Variants in ABCC1 observed in about 807,000 individuals in gnomAD.
ABCC1 encodes the protein multidrug resistance-associated protein 1.
Under a neutral mutation model 172.9 loss-of-function variants are expected in ABCC1, and 83 were observed. The observed-to-expected ratio is 0.48, with a 90% CI of 0.40 to 0.58. ABCC1 has a LOEUF of 0.58. Among genes scored for constraint, ABCC1 ranks in the 20% least tolerant of loss-of-function variants. The probability of loss-of-function intolerance (pLI) is 0.00; values close to 1 mark genes in which losing one functional copy is unlikely to be tolerated. For missense variants in ABCC1, 1,817 were observed against 2,002.7 expected (o/e 0.91, Z 1.77); for synonymous variants, 937 against 825.2 (o/e 1.14, Z -2.32).
At chr16:16,097,165 T>G (rs1349827263) in intron 19 of ABCC1, among the ~76,000 whole-genome samples, 1 of 152,152 alleles carries the variant, frequency 6.6e-6, no homozygotes. Flanking sequence ...CAGGCTGGAG[T>G]GCAATGGTGC....
At chr16:16,025,489 A>G (rs1206421998) in intron 5 of ABCC1, among the ~76,000 whole-genome samples, 2 of 152,184 alleles carry the variant, frequency 1.3e-5, no homozygotes, top group Admixed American at 6.5e-5. Flanking sequence ...ACTGCTCTAA[A>G]CATTATTGCT....
At chr16:16,008,512 T>A (rs974850644) in intron 2 of ABCC1, among the ~76,000 whole-genome samples, 8 of 151,344 alleles carry the variant, frequency 5.3e-5, no homozygotes, top group African/African-American at 1.7e-4. Flanking sequence ...GCCCCTAATT[T>A]TTTTTTTAAG....
chr16:15,976,485 A>G (rs2046494084), intron 1 of ABCC1, among the ~76,000 whole-genome samples: 2 of 152,066 alleles, frequency 1.3e-5, no homozygotes, highest in South Asian at 2.1e-4. Context: ...ACAGGACTAG[A>G]CTGAAACCCA....
At chr16:16,061,527 T>A (rs1459100530) in intron 12 of ABCC1, among the ~76,000 whole-genome samples, 2 of 152,224 alleles carry the variant, frequency 1.3e-5, no homozygotes, top group Non-Finnish European at 2.9e-5. Flanking sequence ...GACAGAATTC[T>A]CCCAGTTGAG....
chr16:16,137,230 C>T (rs757411984), intron 29 of ABCC1, among the ~76,000 whole-genome samples: 36 of 152,136 alleles, frequency 2.4e-4, no homozygotes, highest in Non-Finnish European at 4.0e-4. Context: ...CTCTGCTGAT[C>T]TCGGCTGGGC....
In ABCC1 at chr16:16,052,706, T is replaced by G. The variant is rs545124858; in HGVS notation, c.1381-18T>G. 15 of 1,612,310 alleles carry G rather than the reference T, an allele frequency of 9.3e-6. No individual in the cohort carries two copies. The South Asian group carries it at 1.4e-4, about 15-fold the overall frequency. ...CTTCTGTCTGGTGAGTGATGAAGAG[T>G]CTCCTTTCCTTCCTTAGAATCTGGG... On this transcript the variant is annotated intron_variant, in intron 10 of 30. Transcript: ENST00000399410.
chr16:16,028,169 A>G (rs887303328), intron 5 of ABCC1, among the ~76,000 whole-genome samples: 2 of 151,994 alleles, frequency 1.3e-5, no homozygotes, highest in Non-Finnish European at 2.9e-5. Flanking sequence ...ACCTCTGCCT[A>G]CCTCAACCCT....
chr16:16,023,383 TA>T (rs1325653999), intron 5 of ABCC1, among the ~76,000 whole-genome samples: 1 of 152,166 alleles, frequency 6.6e-6, no homozygotes, highest in Non-Finnish European at 1.5e-5. Context: ...TGAATCTTGG[TA>T]AAGGAATACT....
rs986426687 is a variant in ABCC1 at position 16,005,068 on chromosome 16, A to C, written c.49-2748A>C. On this transcript the variant is annotated intron_variant, in intron 1 of 30. Coordinates refer to ENST00000399410, the MANE Select transcript of ABCC1 (RefSeq NM_004996.4). ...TTATTTCCCTCATTTCTCATTTTTA[A>C]CTTTTTTTTTTTTTTGATATGGCTT... 1.3e-4 allele frequency among the ~76,000 whole-genome samples: 14 copies of C among 103,710 alleles called. No individual in the cohort carries two copies. In the Admixed American group the frequency reaches 1.5e-3, roughly 11 times the overall value. The allele number at this position is 103,710 out of a possible 152,430, so 68.0% of individuals were successfully genotyped here.
rs371831117 is a variant in ABCC1, at chr16:15,976,148, T to C, written c.48+26349T>C. ...GCGTGGTGATGGCACATGCCTGTGA[T>C]CCCAGCTACTCGGGAGGCTGAGGCA... On this transcript the variant is annotated intron_variant, in intron 1 of 30. Coordinates refer to ENST00000399410, the MANE Select transcript of ABCC1 (RefSeq NM_004996.4). 3.8e-4 allele frequency among the ~76,000 whole-genome samples: 58 copies of C among 152,128 alleles called. No homozygotes were observed. The East Asian group carries it at 7.9e-3, about 21-fold the overall frequency.
At chr16:16,069,659 A>T (rs1261298272) in intron 13 of ABCC1, among the ~76,000 whole-genome samples, 1 of 152,158 alleles carries the variant, frequency 6.6e-6, no homozygotes, top group African/African-American at 2.4e-5. Context: ...CCATTTTATT[A>T]TGAAAAATGT....
At chr16:15,988,654 A>G (rs1216961311) in intron 1 of ABCC1, among the ~76,000 whole-genome samples, 1 of 152,182 alleles carries the variant, frequency 6.6e-6, no homozygotes, top group Non-Finnish European at 1.5e-5. Flanking sequence ...GAGAGGCCTC[A>G]TGGTGCTTGG....
chr16:16,047,175 G>A (rs1257150942), intron 9 of ABCC1, among the ~76,000 whole-genome samples: 1 of 152,154 alleles, frequency 6.6e-6, no homozygotes, highest in African/African-American at 2.4e-5. Context: ...TCCGGCCTGT[G>A]TGACAGAATG....
intron 1 of ABCC1, among the ~76,000 whole-genome samples, chr16:15,999,150 G>A (rs569599919): frequency 3.6e-4 from 55 of 151,970 alleles, no homozygotes; most frequent in Middle Eastern, 3.4e-3. Context: ...ACAGGTGCCC[G>A]CCACCACACC....
intron 20 of ABCC1, among the ~76,000 whole-genome samples, chr16:16,104,622 C>G (rs905053689): frequency 3.9e-5 from 6 of 152,232 alleles, no homozygotes; most frequent in African/African-American, 7.2e-5. Context: ...GGATGCCACA[C>G]TGGGGCTGCA....
chr16:15,993,388 A>G (rs1228792898), intron 1 of ABCC1, among the ~76,000 whole-genome samples: 1 of 152,176 alleles, frequency 6.6e-6, no homozygotes, highest in Non-Finnish European at 1.5e-5. Context: ...GGGTTCTAGA[A>G]TTAGTCCCAT....
chr16:16,134,359 G>A lies in ABCC1; in HGVS notation c.3976G>A (p.Val1326Met), dbSNP rs1364759840. 4 of 1,614,018 alleles carry A rather than the reference G, an allele frequency of 2.5e-6. No individual in the cohort carries two copies. Among genetic ancestry groups the A allele is most frequent in the Non-Finnish European group, 3.4e-6 (4 of 1,180,048 alleles). Residue 1326 changes from valine to methionine, a missense_variant, in exon 28 of 31, where the codon GTG becomes ATG. By Grantham distance (21) the Val-to-Met change is conservative. Transcript: ENST00000399410. The stretch of plus-strand genomic sequence containing the variant: ...CCCTTCTGTCCTGCAGGTCGGCATC[G>A]TGGGGCGGACGGGAGCTGGGAAGTC... The part of the protein sequence containing the change: ...TINGGEKVGI[V>M]GRTGAGKSSL...
chr16:16,044,800 C>A, intron 8 of ABCC1, 120 bp downstream of exon 8: 1 of 874,542 alleles, frequency 1.1e-6, no homozygotes, highest in South Asian at 1.7e-5. Context: ...AGCCAGATGT[C>A]TCCATTTTTA....
chr16:16,079,206 A>AT, intron 15 of ABCC1, 146 bp from the exon 16 acceptor site: 5 of 1,162,630 alleles, frequency 4.3e-6, no homozygotes, highest in Non-Finnish European at 6.0e-6. Flanking sequence ...AATGGAAGGA[A>AT]TGTTGAGGCC....
Sources: allele counts gnomAD v4.1 joint callset (sites outside exome capture counted in the v4.1 genomes callset), GRCh38; gene constraint gnomAD v4.1.1; transcripts MANE v1.5; gene names NCBI Gene and HGNC (gene_info 2026-07-23, HGNC 2026-07-21).